EXOC4: variants seen among roughly 807,000 people sequenced by gnomAD.
The protein encoded by EXOC4 is exocyst complex component 4, also known as SEC8-like 1.
EXOC4 carries 71 observed loss-of-function variants against 107.2 expected under a neutral mutation model. The observed-to-expected ratio is 0.66, with a 90% CI of 0.55 to 0.81. The LOEUF is 0.81. Among genes scored for constraint, EXOC4 ranks in the 30% least tolerant of loss-of-function variants. The pLI is 0.00. For missense variants in EXOC4, 1,108 were observed against 1,189.6 expected (o/e 0.93, Z 1.01); for synonymous variants, 456 against 441.2 (o/e 1.03, Z -0.42).
At chr7:133,613,474 C>A (rs1010930682) in intron 9 of EXOC4, among the ~76,000 whole-genome samples, 4 of 152,056 alleles carry the variant, frequency 2.6e-5, no homozygotes, top group Non-Finnish European at 5.9e-5. Context: ...TGATCTTTGG[C>A]AGTTCTCATG....
At chr7:134,063,293 CAG>C (rs1238011943) in intron 17 of EXOC4, among the ~76,000 whole-genome samples, 1 of 152,222 alleles carries the variant, frequency 6.6e-6, no homozygotes, top group Non-Finnish European at 1.5e-5. Context: ...AAGTCTTCCT[CAG>C]TCCCACACCA....
intron 10 of EXOC4, among the ~76,000 whole-genome samples, chr7:133,799,323 C>T (rs1396791640): frequency 6.6e-6 from 1 of 152,162 alleles, no homozygotes; most frequent in Non-Finnish European, 1.5e-5. Context: ...GAAAGACATC[C>T]AGGAGCTGAG....
At chr7:133,292,198 G>T (rs1236439892) in intron 3 of EXOC4, among the ~76,000 whole-genome samples, 1 of 152,170 alleles carries the variant, frequency 6.6e-6, no homozygotes, top group Non-Finnish European at 1.5e-5. Flanking sequence ...TACAAAATTA[G>T]ATGGGTGTGG....
Position 133,785,920 on chromosome 7 carries a change from T to C in EXOC4, c.1515-31405T>C, listed in dbSNP as rs540908269. ...TCCTGACCTCATGATCCACCTGCCTTGGCCTCCCAAAGTGCTGGGATCACA... is the reference window on the plus strand; with the variant it reads ...TCCTGACCTCATGATCCACCTGCCTCGGCCTCCCAAAGTGCTGGGATCACA... On this transcript the variant is annotated intron_variant, in intron 10 of 17. Coordinates refer to ENST00000253861, the MANE Select transcript of EXOC4 (RefSeq NM_021807.4). Among the ~76,000 whole-genome samples, 58 of 152,262 alleles carry C rather than the reference T, an allele frequency of 3.8e-4. No homozygotes were observed. In the Middle Eastern group the frequency reaches 0.014, roughly 36 times the overall value.
At chr7:133,847,693 ATTCT>A (rs1798159269) in intron 11 of EXOC4, among the ~76,000 whole-genome samples, 1 of 148,670 alleles carries the variant, frequency 6.7e-6, no homozygotes, top group African/African-American at 2.5e-5. Flanking sequence ...CCCGGTTAGG[ATTCT>A]TTCTTTATTT....
At chr7:133,576,603 G>A (rs749177062) in intron 9 of EXOC4, 40 of 1,289,732 alleles carry the variant, frequency 3.1e-5, no homozygotes, top group Non-Finnish European at 4.0e-5. Flanking sequence ...ATTTCTCAAG[G>A]GGGTAGAGAT....
chr7:133,576,491 G>T (rs1316951135), intron 9 of EXOC4: 4 of 1,283,642 alleles, frequency 3.1e-6, no homozygotes, highest in Non-Finnish European at 4.1e-6. Context: ...GGTTGCATTT[G>T]ATTTATTTAA....
intron 9 of EXOC4, among the ~76,000 whole-genome samples, chr7:133,629,044 T>G (rs962625747): frequency 2.6e-5 from 4 of 152,176 alleles, no homozygotes; most frequent in African/African-American, 9.7e-5. Context: ...TCAAATATTA[T>G]TTAGTGTTAA....
At chr7:133,580,295 C>G (rs1183495118) in intron 9 of EXOC4, among the ~76,000 whole-genome samples, 1 of 152,140 alleles carries the variant, frequency 6.6e-6, no homozygotes, top group Non-Finnish European at 1.5e-5. Flanking sequence ...TAATGCTGCT[C>G]CACGAACATG....
At chr7:133,300,637 C>A (rs78479903) in intron 3 of EXOC4, among the ~76,000 whole-genome samples, 1 of 152,152 alleles carries the variant, frequency 6.6e-6, no homozygotes, top group African/African-American at 2.4e-5. Flanking sequence ...ATGTCACATA[C>A]ATATATATTG....
the EXOC4 span, among the ~76,000 whole-genome samples, chr7:134,090,302 G>T: frequency 2.0e-5 from 3 of 152,146 alleles, no homozygotes; most frequent in Non-Finnish European, 2.9e-5. Flanking sequence ...AAGCTCCCAA[G>T]GACATACTTG....
At chr7:134,007,566 G>A (rs17167380) in intron 16 of EXOC4, 110 bp from the exon 17 acceptor site, 92,442 of 1,003,808 alleles carry the variant, frequency 0.092, 5,055 homozygotes, top group Non-Finnish European at 0.1. Context: ...TTCTTTGGTC[G>A]TTTAAATGTA....
chr7:133,349,885 G>A (rs1394556159), intron 5 of EXOC4, among the ~76,000 whole-genome samples: 1 of 151,828 alleles, frequency 6.6e-6, no homozygotes. Context: ...ATCCCAATGA[G>A]TGTAGGGTGG....
At chr7:133,393,672 G>T (rs1796906376) in intron 7 of EXOC4, among the ~76,000 whole-genome samples, 1 of 152,108 alleles carries the variant, frequency 6.6e-6, no homozygotes, top group African/African-American at 2.4e-5. Flanking sequence ...CTGCCACGTG[G>T]GGTTACAGCA....
At position 133,253,146 on chromosome 7, in the gene EXOC4, C is replaced by G. The variant is rs147231122; in HGVS notation, c.45C>G (p.Ser15Arg). ...AAGGKYRSTVSKSKDPSGLLI... is the reference protein window; with the variant it reads ...AAGGKYRSTVRKSKDPSGLLI... The stretch of plus-strand genomic sequence containing the variant: ...GTGGGAAATACAGAAGCACAGTCAG[C>G]AAAAGCAAAGACCCCTCGGGGCTGC... Residue 15 changes from serine (S) to arginine (R), a missense_variant, in exon 1 of 18, where the codon AGC becomes AGG. Physicochemically the swap from Ser to Arg is moderately radical, Grantham distance 110. Transcript: ENST00000253861. 78 of 1,614,086 alleles carry G rather than the reference C, an allele frequency of 4.8e-5. No individual in the cohort carries two copies. Among genetic ancestry groups the G allele is most frequent in the Non-Finnish European group, 5.8e-5 (69 of 1,180,034 alleles).
intron 11 of EXOC4, among the ~76,000 whole-genome samples, chr7:133,878,181 A>G (rs543705489): frequency 1.3e-5 from 2 of 152,336 alleles, no homozygotes; most frequent in South Asian, 2.1e-4. Flanking sequence ...AAAGTTTCTA[A>G]TATCTCCATA....
intron 5 of EXOC4, among the ~76,000 whole-genome samples, chr7:133,337,673 G>A (rs1413389981): frequency 7.3e-5 from 8 of 110,064 alleles, no homozygotes; most frequent in South Asian, 2.9e-4. Context: ...TTGCTCTGTC[G>A]CCCAGGCTGG....
At chr7:133,264,914 G>T (rs915680947) in intron 1 of EXOC4, among the ~76,000 whole-genome samples, 13 of 152,044 alleles carry the variant, frequency 8.6e-5, no homozygotes, top group Admixed American at 1.3e-4. Flanking sequence ...GACATAATAG[G>T]TATATGGTAC....
chr7:133,573,406 G>A (rs1801065390), intron 9 of EXOC4, among the ~76,000 whole-genome samples: 1 of 152,172 alleles, frequency 6.6e-6, no homozygotes, highest in Admixed American at 6.5e-5. Context: ...GCGCCAGATA[G>A]TATGCTTAGG....
Sources: gnomAD v4.1 joint callset for allele counts (sites outside exome capture counted in the v4.1 genomes callset) on GRCh38, gnomAD v4.1.1 for gene constraint, MANE v1.5 for transcripts, NCBI Gene and HGNC (gene_info 2026-07-23, HGNC 2026-07-21) for gene names.